HNF1B: variants seen among roughly 807,000 people sequenced by gnomAD.
HNF1B encodes the protein hepatocyte nuclear factor 1-beta.
A neutral mutation model predicts 61.7 loss-of-function variants in HNF1B; 8 were observed. The ratio of observed to expected loss-of-function variants is 0.13; its 90% confidence interval spans 0.08 to 0.23. HNF1B has a LOEUF of 0.23. Ranked by LOEUF, HNF1B falls within the 10% of genes least tolerant of loss-of-function variation. The probability of loss-of-function intolerance (pLI) is 1.00; values close to 1 mark genes in which losing one functional copy is unlikely to be tolerated. For synonymous variants in HNF1B, 314 were observed against 287.7 expected, an observed-to-expected ratio of 1.09 and a Z score of -0.93; for missense variants, 562 against 714.5, an observed-to-expected ratio of 0.79 and a Z score of 2.43.
At chr17:37,744,332 C>G (rs1032559522) in intron 1 of HNF1B, among the ~76,000 whole-genome samples, 1 of 152,218 alleles carries the variant, frequency 6.6e-6, no homozygotes, top group Non-Finnish European at 1.5e-5. Context: ...TGGCCTGGGC[C>G]TGGGGAGAAG....
At chr17:37,690,058 A>T (rs2032143454) in intron 8 of HNF1B, among the ~76,000 whole-genome samples, 1 of 151,936 alleles carries the variant, frequency 6.6e-6, no homozygotes. Flanking sequence ...TTAGGTGGAG[A>T]TGAGCACTCC....
intron 8 of HNF1B, among the ~76,000 whole-genome samples, chr17:37,690,138 C>T (rs1403077458): frequency 6.6e-6 from 1 of 151,946 alleles, no homozygotes; most frequent in East Asian, 1.9e-4. Context: ...GGGAATCAGG[C>T]GAGGCCTCTT....
At position 37,698,911 on chromosome 17, in the gene HNF1B, CT is replaced by C. The variant is rs11350722; in HGVS notation, c.1653+164del. Among the ~76,000 whole-genome samples the C allele has an allele frequency of 0.8, 120,057 of 150,088 alleles. 48,407 individuals are homozygous for C. Among genetic ancestry groups the C allele is most frequent in the African/African-American group, 0.91 (37,218 of 40,834 alleles). ...CAATAAGCCCTTTCAGCCTGTGGCC[CT>C]TTTTTTTTTGCCCTGGGACCTTAAG... On this transcript the variant is annotated intron_variant, in intron 8 of 8. Transcript: ENST00000617811.
At chr17:37,726,385 G>A (rs1371618582) in intron 4 of HNF1B, among the ~76,000 whole-genome samples, 1 of 152,200 alleles carries the variant, frequency 6.6e-6, no homozygotes, top group African/African-American at 2.4e-5. Flanking sequence ...TGTTGTGTGG[G>A]TCACATAAGA....
rs753915323 is a variant in HNF1B, at chr17:37,710,663, C to T, written c.1046G>A (p.Gly349Glu). The T allele has an allele frequency of 7.4e-6, 12 of 1,613,340 alleles. No homozygotes were observed. The highest frequency in any genetic ancestry group is 1.3e-5 in the African/African-American group (1 of 74,916). ...GTTTCCCTGCTGGCTGTAGCGCACT[C>T]CTGCAAAACAACACAAACCCAGTAG... ...PSSSPPNKLS[G>E]VRYSQQGNNE... Residue 349 changes from glycine (G) to glutamate (E), a missense_variant and splice_region_variant, in exon 5 of 9, where the codon GGA (glycine) becomes GAA (glutamate). Physicochemically the swap from Gly to Glu is moderately conservative, Grantham distance 98. This residue lies in a region of HNF1B where 211 missense variants were observed against 200.7 expected (regional missense o/e 1.05). Coordinates refer to ENST00000617811, the MANE Select transcript of HNF1B (RefSeq NM_000458.4).
At chr17:37,687,589 G>A (rs184255497) in intron 8 of HNF1B, among the ~76,000 whole-genome samples, 197 bp from the exon 9 acceptor site, 7 of 152,274 alleles carry the variant, frequency 4.6e-5, no homozygotes, top group East Asian at 3.9e-4. Context: ...CCCGGGAGCC[G>A]GCTTTCCTGG....
intron 8 of HNF1B, among the ~76,000 whole-genome samples, chr17:37,689,824 C>T (rs774952558): frequency 1.3e-5 from 2 of 152,358 alleles, no homozygotes; most frequent in South Asian, 2.1e-4. Flanking sequence ...CGAGTTCTTA[C>T]GTCGACCCTT....
chr17:37,699,402 C>T (rs958391827), intron 7 of HNF1B, among the ~76,000 whole-genome samples: 2 of 136,670 alleles, frequency 1.5e-5, no homozygotes, highest in Non-Finnish European at 3.1e-5. Context: ...GGATGCTTGG[C>T]TGTGAGGGAG....
rs2031989139 is a variant in HNF1B, at chr17:37,686,943, G to A, written c.*429C>T. The A allele has an allele frequency of 5.4e-6, 2 of 370,038 alleles. No individual in the cohort carries two copies. Among genetic ancestry groups the A allele is most frequent in the Non-Finnish European group, 1.0e-5 (2 of 195,018 alleles). 22.9% of individuals were successfully genotyped at this position (370,038 alleles called of 1,614,324 possible). ...TCAAGATCATTTGGGATGGGGGCAGGGGAGGGAGTCTGTGGATATTTACAG... is the reference window on the plus strand; with the variant it reads ...TCAAGATCATTTGGGATGGGGGCAGAGGAGGGAGTCTGTGGATATTTACAG... On this transcript the variant is annotated 3_prime_UTR_variant, in exon 9 of 9. Coordinates refer to ENST00000617811, the MANE Select transcript of HNF1B (RefSeq NM_000458.4).
chr17:37,710,115 T>C (rs1332223646), intron 5 of HNF1B, among the ~76,000 whole-genome samples: 1 of 152,208 alleles, frequency 6.6e-6, no homozygotes, highest in Non-Finnish European at 1.5e-5. Context: ...AGGGGGCTTG[T>C]GTCAAAGTGA....
At chr17:37,715,242 A>T (rs1425010831) in intron 4 of HNF1B, among the ~76,000 whole-genome samples, 1 of 152,154 alleles carries the variant, frequency 6.6e-6, no homozygotes, top group African/African-American at 2.4e-5. Context: ...CTCTTAAAGA[A>T]AGAGATGAGT....
intron 6 of HNF1B, among the ~76,000 whole-genome samples, chr17:37,701,752 G>T (rs2032579243): frequency 6.6e-6 from 1 of 152,206 alleles, no homozygotes; most frequent in Non-Finnish European, 1.5e-5. Flanking sequence ...GACTGTAACA[G>T]AGAGGGGAGA....
At chr17:37,694,643 T>C (rs909042432) in intron 8 of HNF1B, among the ~76,000 whole-genome samples, 8 of 151,936 alleles carry the variant, frequency 5.3e-5, no homozygotes, top group African/African-American at 1.9e-4. Context: ...GCTGATGAGA[T>C]CTCAGATGGA....
intron 2 of HNF1B, among the ~76,000 whole-genome samples, chr17:37,738,874 A>G (rs2033909746): frequency 6.6e-6 from 1 of 152,228 alleles, no homozygotes; most frequent in Non-Finnish European, 1.5e-5. Flanking sequence ...ACACTCTACC[A>G]GTGTTGGTAA....
At chr17:37,688,170 C>T (rs2032045438) in intron 8 of HNF1B, among the ~76,000 whole-genome samples, 1 of 152,128 alleles carries the variant, frequency 6.6e-6, no homozygotes, top group Non-Finnish European at 1.5e-5. Flanking sequence ...GAGAAGCCCT[C>T]GAGAGAAGCC....
intron 1 of HNF1B, among the ~76,000 whole-genome samples, chr17:37,740,056 G>A (rs942760143): frequency 3.3e-5 from 5 of 151,964 alleles, no homozygotes; most frequent in Non-Finnish European, 7.4e-5. Context: ...CCTCCACCAG[G>A]ATCCTGGGTT....
At chr17:37,725,587 G>A (rs2033468911) in intron 4 of HNF1B, among the ~76,000 whole-genome samples, 2 of 152,334 alleles carry the variant, frequency 1.3e-5, no homozygotes, top group African/African-American at 2.4e-5. Flanking sequence ...GAATGCTGGA[G>A]CCACCCATGT....
At chr17:37,689,093 C>T (rs1199595841) in intron 8 of HNF1B, among the ~76,000 whole-genome samples, 1 of 143,340 alleles carries the variant, frequency 7.0e-6, no homozygotes, top group Non-Finnish European at 1.5e-5. Context: ...TGTGGTGAGC[C>T]GATATTATGC....
intron 8 of HNF1B, among the ~76,000 whole-genome samples, chr17:37,692,268 G>A (rs1466817265): frequency 6.6e-6 from 1 of 152,240 alleles, no homozygotes; most frequent in Non-Finnish European, 1.5e-5. Flanking sequence ...ACTGGGATCA[G>A]ACAGATACAA....
Sources: gnomAD v4.1 joint callset for allele counts (sites outside exome capture counted in the v4.1 genomes callset) on GRCh38, gnomAD v4.1.1 for gene constraint, gnomAD v4.1.1 regional missense constraint, MANE v1.5 for transcripts, NCBI Gene and HGNC (gene_info 2026-07-23, HGNC 2026-07-21) for gene names.